The following BACH2 variants were observed in gnomAD, a reference collection of about 807,000 sequenced individuals.
The protein encoded by BACH2 is transcription regulator protein BACH2.
Under a neutral mutation model 61.8 loss-of-function variants are expected in BACH2, and 5 were observed. The observed-to-expected ratio is 0.08, with a 90% CI of 0.04 to 0.17. The LOEUF (loss-of-function observed/expected upper bound fraction) is 0.17. Among genes scored for constraint, BACH2 ranks in the 10% least tolerant of loss-of-function variants. The pLI is 1.00. For missense variants in BACH2, 824 were observed against 1,091.1 expected (o/e 0.76, Z 3.45); for synonymous variants, 446 against 440.1 (o/e 1.01, Z -0.17).
At position 89,982,208 on chromosome 6, in the gene BACH2, G is replaced by C. The variant is rs149554340; in HGVS notation, c.243+26394C>G. ...GTAAGTTCAGGGAGGTCAGCTCATAGAGAAAAGAGTCTAAAACAGTGGGCC... is the reference window on the plus strand; with the variant it reads ...GTAAGTTCAGGGAGGTCAGCTCATACAGAAAAGAGTCTAAAACAGTGGGCC... On this transcript the variant is annotated intron_variant, in intron 6 of 8. Coordinates refer to ENST00000257749, the MANE Select transcript of BACH2 (RefSeq NM_021813.4). Among the ~76,000 whole-genome samples, 744 of 152,302 alleles carry C rather than the reference G, an allele frequency of 4.9e-3. 9 individuals carry two copies. Among genetic ancestry groups the C allele is most frequent in the African/African-American group, 0.017 (686 of 41,558 alleles).
At chr6:90,217,154 T>C (rs1378564117) in intron 3 of BACH2, among the ~76,000 whole-genome samples, 3 of 152,152 alleles carry the variant, frequency 2.0e-5, no homozygotes, top group Admixed American at 6.5e-5. Flanking sequence ...CTGGAAGAAG[T>C]GGAACAGCTT....
At chr6:90,285,941 T>C (rs1202936306) in intron 1 of BACH2, among the ~76,000 whole-genome samples, 3 of 152,222 alleles carry the variant, frequency 2.0e-5, no homozygotes, top group Non-Finnish European at 4.4e-5. Context: ...CGGGAACCTC[T>C]CTACGCTTGC....
At chr6:90,188,779 A>C (rs1768450640) in intron 4 of BACH2, among the ~76,000 whole-genome samples, 1 of 141,242 alleles carries the variant, frequency 7.1e-6, no homozygotes, top group African/African-American at 2.7e-5. Flanking sequence ...AAAAAAAAAA[A>C]GCGAAAGGGG....
chr6:90,112,569 C>T (rs1024874008), intron 4 of BACH2, among the ~76,000 whole-genome samples: 3 of 152,166 alleles, frequency 2.0e-5, no homozygotes, highest in Non-Finnish European at 2.9e-5. Flanking sequence ...ACTTCATTAT[C>T]ACCAGACCTG....
chr6:90,131,196 C>A (rs1367185012), intron 4 of BACH2, among the ~76,000 whole-genome samples: 1 of 152,130 alleles, frequency 6.6e-6, no homozygotes, highest in Non-Finnish European at 1.5e-5. Flanking sequence ...AAAAACAACA[C>A]AAGATGAATT....
intron 5 of BACH2, among the ~76,000 whole-genome samples, chr6:90,058,002 C>T (rs994556043): frequency 6.6e-5 from 10 of 152,100 alleles, no homozygotes; most frequent in African/African-American, 2.2e-4. Flanking sequence ...TATGACAAAC[C>T]CACAGCCAAT....
chr6:90,199,737 T>G (rs1280928345), intron 4 of BACH2, among the ~76,000 whole-genome samples: 1 of 152,220 alleles, frequency 6.6e-6, no homozygotes, highest in Non-Finnish European at 1.5e-5. Flanking sequence ...TACAGTGGCC[T>G]GGTGCCAGCA....
At chr6:90,218,046 AT>A (rs1317323681) in intron 3 of BACH2, 2 of 152,186 alleles carry the variant, frequency 1.3e-5, no homozygotes, top group African/African-American at 4.8e-5. Context: ...GTCCTGCTAA[AT>A]AATCTCTGGA....
At chr6:90,252,856 T>C (rs1160795392) in intron 2 of BACH2, among the ~76,000 whole-genome samples, 2 of 152,152 alleles carry the variant, frequency 1.3e-5, no homozygotes, top group Admixed American at 6.5e-5. Context: ...ACAGGCAGTG[T>C]GATGGGTTTG....
At chr6:90,073,644 C>T (rs1053700913) in intron 5 of BACH2, among the ~76,000 whole-genome samples, 1 of 152,166 alleles carries the variant, frequency 6.6e-6, no homozygotes, top group African/African-American at 2.4e-5. Context: ...TTTTAAGGTG[C>T]TGCCAGACAC....
chr6:90,077,038 T>G (rs573890479), intron 5 of BACH2, among the ~76,000 whole-genome samples: 2 of 152,248 alleles, frequency 1.3e-5, no homozygotes. Context: ...TTGCAAATAC[T>G]TTACACTATT....
At chr6:90,119,785 G>A (rs549984949) in intron 4 of BACH2, among the ~76,000 whole-genome samples, 15 of 151,936 alleles carry the variant, frequency 9.9e-5, no homozygotes, top group East Asian at 1.9e-4. Context: ...TAAACATAAC[G>A]TTCATCCACC....
intron 3 of BACH2, among the ~76,000 whole-genome samples, chr6:90,211,185 A>C (rs1769335777): frequency 6.6e-6 from 1 of 151,626 alleles, no homozygotes. Context: ...GAAGAGAGAA[A>C]TGACAAGAAA....
chr6:90,282,972 T>C (rs950579570), intron 1 of BACH2, among the ~76,000 whole-genome samples: 7 of 152,246 alleles, frequency 4.6e-5, no homozygotes, highest in African/African-American at 1.7e-4. Context: ...TAGACTCCTG[T>C]CAACTAAATA....
chr6:90,029,694 C>T (rs1778850250), intron 5 of BACH2, among the ~76,000 whole-genome samples: 1 of 152,160 alleles, frequency 6.6e-6, no homozygotes, highest in Non-Finnish European at 1.5e-5. Flanking sequence ...TTTTCCTAAT[C>T]CCAACAGGTC....
At chr6:90,115,880 C>G (rs1783377456) in intron 4 of BACH2, among the ~76,000 whole-genome samples, 1 of 152,020 alleles carries the variant, frequency 6.6e-6, no homozygotes, top group Non-Finnish European at 1.5e-5. Context: ...AAACACTTCT[C>G]AAAAGACATA....
chr6:89,971,745 C>G (rs913601773), intron 6 of BACH2, among the ~76,000 whole-genome samples: 1 of 152,166 alleles, frequency 6.6e-6, no homozygotes, highest in African/African-American at 2.4e-5. Context: ...GAATGAGAGC[C>G]AAGCGAACAG....
intron 5 of BACH2, among the ~76,000 whole-genome samples, chr6:90,053,891 T>C (rs1780179700): frequency 1.3e-5 from 2 of 152,116 alleles, no homozygotes; most frequent in Non-Finnish European, 2.9e-5. Context: ...GTATAAAAAG[T>C]TGTGAAGGCC....
chr6:89,951,640 A>G lies in BACH2; in HGVS notation c.466T>C (p.Cys156Arg). 3.1e-6 allele frequency: 5 copies of G among 1,614,182 alleles called. No homozygotes were observed. The highest frequency in any genetic ancestry group is 4.2e-6 in the Non-Finnish European group (5 of 1,180,034). Reference sequence around the variant, plus strand: ...TCCTCCTCTCCTGCAGAGTTCTCGCAGTCCTCGTGTGGGCGCTGGCACGCA... The same window carrying G: ...TCCTCCTCTCCTGCAGAGTTCTCGCGGTCCTCGTGTGGGCGCTGGCACGCA... ...DAACQRPHED[C>R]ENSAGEEEDE... The change falls in exon 7 of 9, where the codon TGC becomes CGC. Residue 156 changes from cysteine to arginine, a missense_variant. Cys to Arg is a radical substitution (Grantham distance 180, BLOSUM62 -3). Around this residue, in one of 8 missense-constraint regions of BACH2, gnomAD observed 107 missense variants for 121.7 expected, o/e 0.88. Transcript: ENST00000257749. This position sits in a 1 kb window ranked among gnomAD's most constrained non-coding sequence, Gnocchi z 6.4.
Sources: gnomAD v4.1 joint callset for allele counts (sites outside exome capture counted in the v4.1 genomes callset) on GRCh38, gnomAD v4.1.1 for gene constraint, gnomAD v4.1.1 regional missense constraint, Gnocchi (gnomAD v3.1) non-coding constraint, MANE v1.5 for transcripts, NCBI Gene and HGNC (gene_info 2026-07-23, HGNC 2026-07-21) for gene names.